Variants in COMMD1 observed in about 807,000 individuals in gnomAD.
COMMD1 encodes the protein copper metabolism domain containing 1, also known as COMM domain-containing protein 1.
A neutral mutation model predicts 17.2 loss-of-function variants in COMMD1; 10 were observed. The ratio of observed to expected loss-of-function variants is 0.58; its 90% CI spans 0.36 to 0.99. COMMD1 has a LOEUF of 0.99. COMMD1 is among the 50% of genes least tolerant of loss of function. COMMD1 has a pLI of 0.01. For synonymous variants in COMMD1, 97 were observed against 91.6 expected (o/e 1.06, Z -0.34); for missense variants, 270 against 231.8 (o/e 1.17, Z -1.07).
At chr2:62,121,294 T>A (rs1186905802) in intron 2 of COMMD1, among the ~76,000 whole-genome samples, 2 of 131,308 alleles carry the variant, frequency 1.5e-5, no homozygotes, top group Admixed American at 9.2e-5. Flanking sequence ...CACCTGAACC[T>A]GGGAGGTGGA....
At chr2:62,131,935 C>T (rs1487475925) in intron 2 of COMMD1, among the ~76,000 whole-genome samples, 1 of 151,606 alleles carries the variant, frequency 6.6e-6, no homozygotes, top group Non-Finnish European at 1.5e-5. Flanking sequence ...GTTGCCCAGG[C>T]TGGAGTGCAA....
chr2:62,016,206 C>CTTTTTT (rs769583167), intron 2 of COMMD1, among the ~76,000 whole-genome samples: 293 of 112,186 alleles, frequency 2.6e-3, no homozygotes, highest in Non-Finnish European at 3.2e-3. Flanking sequence ...CTTTTCTTTT[C>CTTTTTT]TTTTTTTTTT....
chr2:62,025,403 A>T (rs1669727158), intron 2 of COMMD1, among the ~76,000 whole-genome samples: 1 of 151,886 alleles, frequency 6.6e-6, no homozygotes, highest in Admixed American at 6.6e-5. Flanking sequence ...GGTGGTGCAC[A>T]CCTGTAGTCC....
intron 2 of COMMD1, among the ~76,000 whole-genome samples, chr2:62,015,700 T>G: frequency 6.6e-6 from 1 of 151,340 alleles, no homozygotes; most frequent in African/African-American, 2.4e-5. Context: ...TCTGGGTTTT[T>G]TTTTTTTTTC....
intron 1 of COMMD1, among the ~76,000 whole-genome samples, chr2:61,890,760 G>A (rs1015635065): frequency 1.3e-5 from 2 of 150,858 alleles, no homozygotes; most frequent in African/African-American, 4.9e-5. Flanking sequence ...CCAGGAAGTG[G>A]AGGTTGCAGT....
intron 2 of COMMD1, among the ~76,000 whole-genome samples, chr2:62,068,738 T>A (rs1047716430): frequency 1.3e-5 from 2 of 151,446 alleles, no homozygotes; most frequent in East Asian, 3.9e-4. Flanking sequence ...GATTCTCCTG[T>A]CTCGCCTTCC....
Position 62,000,780 on chromosome 2 carries a change from C to T in COMMD1, c.260C>T (p.Thr87Ile), listed in dbSNP as rs776908237. 1.3e-5 allele frequency: 21 copies of T among 1,614,130 alleles called. No homozygotes were observed. Among genetic ancestry groups the T allele is most frequent in the Middle Eastern group, 1.6e-4 (1 of 6,062 alleles). The change falls in exon 2 of 3, where the codon ACA becomes ATA. Residue 87 changes from threonine to isoleucine, a missense_variant. Thr to Ile is a moderately conservative substitution (Grantham distance 89). Transcript: ENST00000311832. ...TAQTKKQGGI[T>I]SDQAAVISKF... The stretch of plus-strand genomic sequence containing the variant: ...CAAACCAAAAAGCAAGGTGGGATCA[C>T]ATCTGACCAAGCTGCTGTCATTTCC...
intron 1 of COMMD1, among the ~76,000 whole-genome samples, chr2:61,935,171 C>G (rs1670572235): frequency 6.6e-6 from 1 of 152,166 alleles, no homozygotes; most frequent in Non-Finnish European, 1.5e-5. Context: ...TTCCTAGTGA[C>G]TTCAAGTCAG....
chr2:62,101,502 C>T (rs1672176422), intron 2 of COMMD1, among the ~76,000 whole-genome samples: 1 of 152,134 alleles, frequency 6.6e-6, no homozygotes, highest in Admixed American at 6.5e-5. Flanking sequence ...TCTAGCTATT[C>T]AGGAGGCTGA....
chr2:62,129,390 G>A (rs1672965396), intron 2 of COMMD1, among the ~76,000 whole-genome samples: 1 of 152,172 alleles, frequency 6.6e-6, no homozygotes, highest in South Asian at 2.1e-4. Flanking sequence ...AGGACAAATG[G>A]AAAATAATCA....
intron 1 of COMMD1, among the ~76,000 whole-genome samples, chr2:61,988,928 A>G (rs1335329045): frequency 6.6e-6 from 1 of 152,150 alleles, no homozygotes; most frequent in Non-Finnish European, 1.5e-5. Context: ...TGGCAGCACC[A>G]AGTTCCAATG....
chr2:62,134,130 G>C (rs968121343), intron 2 of COMMD1, among the ~76,000 whole-genome samples: 3 of 151,758 alleles, frequency 2.0e-5, no homozygotes, highest in Non-Finnish European at 2.9e-5. Context: ...AGAAGTTTCT[G>C]CTCTTGGCCA....
chr2:62,123,132 G>A (rs1672791413), intron 2 of COMMD1, among the ~76,000 whole-genome samples: 1 of 152,160 alleles, frequency 6.6e-6, no homozygotes, highest in African/African-American at 2.4e-5. Flanking sequence ...GCCAAGCCAG[G>A]GGGATTGCTT....
intron 2 of COMMD1, among the ~76,000 whole-genome samples, chr2:62,113,688 G>A (rs996914402): frequency 6.6e-6 from 1 of 152,138 alleles, no homozygotes; most frequent in Non-Finnish European, 1.5e-5. Flanking sequence ...TGCCTGGCCT[G>A]AGCCATTATA....
At chr2:62,049,260 A>G (rs933309832) in intron 2 of COMMD1, among the ~76,000 whole-genome samples, 1 of 152,032 alleles carries the variant, frequency 6.6e-6, no homozygotes, top group Non-Finnish European at 1.5e-5. Flanking sequence ...GAATCCCACA[A>G]ATGTGTGTAT....
chr2:62,086,062 G>C (rs1241829492), intron 2 of COMMD1, among the ~76,000 whole-genome samples: 1 of 152,092 alleles, frequency 6.6e-6, no homozygotes, highest in Non-Finnish European at 1.5e-5. Context: ...CTACTGGGGA[G>C]GGAAAAGGTG....
chr2:62,003,129 A>G (rs191351801), intron 2 of COMMD1, among the ~76,000 whole-genome samples: 2 of 151,966 alleles, frequency 1.3e-5, no homozygotes, highest in African/African-American at 4.8e-5. Context: ...GCTACTTGGG[A>G]GGCTGAGGCA....
chr2:61,925,272 C>G (rs1268502650), intron 1 of COMMD1, among the ~76,000 whole-genome samples: 1 of 151,804 alleles, frequency 6.6e-6, no homozygotes, highest in Non-Finnish European at 1.5e-5. Flanking sequence ...GTAAGGTTAG[C>G]AGAGAGAAAG....
intron 2 of COMMD1, among the ~76,000 whole-genome samples, chr2:62,016,191 T>TTTTTCTTTTC (rs1215766136): frequency 2.0e-5 from 3 of 150,464 alleles, no homozygotes; most frequent in Admixed American, 2.0e-4. Flanking sequence ...TTGTCTCTCT[T>TTTTTCTTTTC]TTTTCTTTTC....
Sources: gnomAD v4.1 joint callset for allele counts (sites outside exome capture counted in the v4.1 genomes callset) on GRCh38, gnomAD v4.1.1 for gene constraint, MANE v1.5 for transcripts, NCBI Gene and HGNC (gene_info 2026-07-23, HGNC 2026-07-21) for gene names.